Variants in MDM2 observed in about 807,000 individuals in gnomAD.
MDM2 encodes the protein E3 ubiquitin-protein ligase Mdm2.
Under a neutral mutation model 64.3 loss-of-function variants are expected in MDM2, and 11 were observed. The ratio of observed to expected loss-of-function variants is 0.17; its 90% CI spans 0.11 to 0.28. The LOEUF (loss-of-function observed/expected upper bound fraction) is 0.28. Ranked by LOEUF, MDM2 falls within the 10% of genes least tolerant of loss-of-function variation. MDM2 has a pLI of 1.00. For synonymous variants in MDM2, 194 were observed against 192.9 expected, an observed-to-expected ratio of 1.01 and a Z score of -0.05; for missense variants, 388 against 577.1, an observed-to-expected ratio of 0.67 and a Z score of 3.36.
At chr12:68,839,173 T>C (rs1883543179) in intron 10 of MDM2, 101 bp from the exon 11 acceptor site, 1 of 1,016,328 alleles carries the variant, frequency 9.8e-7, no homozygotes, top group Admixed American at 2.4e-5. Flanking sequence ...TATTGAGCCC[T>C]ATGATATACT....
chr12:68,838,045 T>TC (rs1883451001), intron 10 of MDM2, among the ~76,000 whole-genome samples: 1 of 152,226 alleles, frequency 6.6e-6, no homozygotes, highest in South Asian at 2.1e-4. Flanking sequence ...TTTTAGATAT[T>TC]CATCTTGGAA....
In MDM2 at chr12:68,808,446, G is replaced by A. The variant is rs1880552306; in HGVS notation, c.-32G>A. The A allele has an allele frequency of 6.2e-7, 1 of 1,614,024 alleles. No individual in the cohort carries two copies. Among genetic ancestry groups the A allele is most frequent in the South Asian group, 1.1e-5 (1 of 91,082 alleles). ...CGTGAAGGAAACTGGGGAGTCTTGAGGGACCCCCGACTCCAAGCGCGAAAA... is the reference window on the plus strand; with the variant it reads ...CGTGAAGGAAACTGGGGAGTCTTGAAGGACCCCCGACTCCAAGCGCGAAAA... On this transcript the variant is annotated 5_prime_UTR_variant, in exon 1 of 11. Transcript: ENST00000258149.
intron 5 of MDM2, among the ~76,000 whole-genome samples, chr12:68,821,208 C>T (rs3730546): frequency 0.02 from 2,992 of 151,912 alleles, 107 homozygotes; most frequent in African/African-American, 0.069. Flanking sequence ...CCACCACGCC[C>T]GGCTAATTTT....
At chr12:68,833,262 TA>T (rs1462946360) in intron 8 of MDM2, among the ~76,000 whole-genome samples, 1 of 116,070 alleles carries the variant, frequency 8.6e-6, no homozygotes, top group South Asian at 2.4e-4. Context: ...TATATTTATA[TA>T]ATTATATATT....
intron 3 of MDM2, among the ~76,000 whole-genome samples, chr12:68,815,965 ATTAT>A (rs1265206857): frequency 1.3e-5 from 2 of 152,148 alleles, no homozygotes; most frequent in African/African-American, 4.8e-5. Context: ...CATTATTTTG[ATTAT>A]TTATCATAAT....
At position 68,828,474 on chromosome 12, in the gene MDM2, T is replaced by C. The variant is rs1882518735; in HGVS notation, c.524-297T>C. The C allele has an allele frequency of 1.1e-5, 3 of 261,302 alleles. No individual in the cohort carries two copies. In the Admixed American group the frequency reaches 1.4e-4, roughly 12 times the overall value. The allele number at this position is 261,302 out of a possible 1,614,324, so 16.2% of individuals were successfully genotyped here. ...TACCAGCTACTCGGGAGGCTGAGGT[T>C]GAGGTGGGAGGATCACTTGAGCCCA... On this transcript the variant is annotated intron_variant, in intron 7 of 10. Transcript: ENST00000258149.
chr12:68,845,302 A>G lies in MDM2; in HGVS notation c.*5453A>G, dbSNP rs763260384. The G allele has an allele frequency of 2.3e-5, 5 of 213,600 alleles. No individual in the cohort carries two copies. The highest frequency in any genetic ancestry group is 4.7e-5 in the Non-Finnish European group (5 of 105,776). 13.2% of individuals were successfully genotyped at this position (213,600 alleles called of 1,614,324 possible). On this transcript the variant is annotated 3_prime_UTR_variant, in exon 11 of 11. Coordinates refer to ENST00000258149, the MANE Select transcript of MDM2 (RefSeq NM_002392.6). ...CAGCTTTCAATTATATGTAAGAGGG[A>G]CTTTTTGACATTTACAAATAATACT...
intron 7 of MDM2, among the ~76,000 whole-genome samples, chr12:68,825,604 G>T (rs1198520880): frequency 6.6e-6 from 1 of 152,094 alleles, no homozygotes; most frequent in Non-Finnish European, 1.5e-5. Flanking sequence ...AGTGAGCCGA[G>T]ATCACGCCAC....
intron 2 of MDM2, among the ~76,000 whole-genome samples, chr12:68,811,886 C>T (rs1400357886): frequency 6.6e-6 from 1 of 152,106 alleles, no homozygotes; most frequent in East Asian, 1.9e-4. Context: ...AGGCATGAGC[C>T]ACTGCGCCTG....
In MDM2 at chr12:68,814,055, TG is replaced by T. The variant is rs1201584024; in HGVS notation, c.174+428del. 7.3e-4 allele frequency among the ~76,000 whole-genome samples: 111 copies of T among 152,374 alleles called. 1 individual carries two copies. The highest frequency in any genetic ancestry group is 3.9e-4 in the East Asian group (2 of 5,188). On this transcript the variant is annotated intron_variant, in intron 3 of 10. Coordinates refer to ENST00000258149, the MANE Select transcript of MDM2 (RefSeq NM_002392.6). ...TTAGAAGAAGATATAATAAATATAA[TG>T]TTTTTTTGTTTTTTGAGACGAAGTC...
chr12:68,821,081 T>C (rs954401986), intron 5 of MDM2, among the ~76,000 whole-genome samples: 7 of 145,286 alleles, frequency 4.8e-5, no homozygotes, highest in African/African-American at 1.9e-4. Context: ...GGAATCTTGC[T>C]CTGTCACTCA....
At chr12:68,827,958 C>CCAT (rs1882475241) in intron 7 of MDM2, among the ~76,000 whole-genome samples, 1 of 152,136 alleles carries the variant, frequency 6.6e-6, no homozygotes, top group African/African-American at 2.4e-5. Flanking sequence ...TGGTGAAACC[C>CCAT]TGTCTCTACC....
intron 9 of MDM2, 100 bp downstream of exon 9, chr12:68,836,084 G>A (rs374582933): frequency 5.5e-6 from 6 of 1,085,478 alleles, no homozygotes; most frequent in African/African-American, 4.8e-5. Flanking sequence ...GATTTCACTT[G>A]AAATCTTTAC....
intron 5 of MDM2, among the ~76,000 whole-genome samples, chr12:68,822,746 C>CTTTTTTT (rs35863515): frequency 8.2e-5 from 12 of 146,434 alleles, no homozygotes; most frequent in African/African-American, 3.1e-4. Context: ...AACTTTGTCA[C>CTTTTTTT]TTTTTTTTTT....
intron 1 of MDM2, among the ~76,000 whole-genome samples, chr12:68,808,774 C>T (rs1159665564): frequency 1.4e-5 from 2 of 148,030 alleles, no homozygotes; most frequent in Admixed American, 1.3e-4. Context: ...GTAAAGGTCA[C>T]GGGGGCCGGG....
Position 68,843,338 on chromosome 12 carries a change from A to G in MDM2, c.*3489A>G, listed in dbSNP as rs2136188787. On this transcript the variant is annotated 3_prime_UTR_variant, in exon 11 of 11. Transcript: ENST00000258149. ...AGAGTAGGGTGACTATAGTTAATGT[A>G]TTGAATGTTCTTGCTACAAATAAAT... is the stretch of plus-strand genomic sequence containing the variant. 2 of 230,336 alleles carry G rather than the reference A, an allele frequency of 8.7e-6. No homozygotes were observed. Among genetic ancestry groups the G allele is most frequent in the Non-Finnish European group, 1.7e-5 (2 of 116,344 alleles). The allele number at this position is 230,336 out of a possible 1,614,324, so 14.3% of individuals were successfully genotyped here. A position where few individuals can be genotyped will look rare whatever the true frequency, so the allele number is the denominator to read the frequency against.
intron 8 of MDM2, among the ~76,000 whole-genome samples, chr12:68,830,179 G>A (rs893917485): frequency 2.6e-5 from 4 of 151,946 alleles, no homozygotes; most frequent in African/African-American, 9.7e-5. Context: ...ACATTTTTTG[G>A]TAATATGGCA....
At chr12:68,837,757 T>G (rs941133800) in intron 10 of MDM2, among the ~76,000 whole-genome samples, 3 of 152,236 alleles carry the variant, frequency 2.0e-5, no homozygotes, top group Non-Finnish European at 4.4e-5. Flanking sequence ...CATACTTCAC[T>G]GAGTTCCTGA....
At chr12:68,822,902 G>A (rs1032522385) in intron 5 of MDM2, among the ~76,000 whole-genome samples, 8 of 151,878 alleles carry the variant, frequency 5.3e-5, no homozygotes, top group East Asian at 1.9e-4. Flanking sequence ...CACCACGTCC[G>A]GTTAATTTTT....
Sources: gnomAD v4.1 joint callset for allele counts (sites outside exome capture counted in the v4.1 genomes callset) on GRCh38, gnomAD v4.1.1 for gene constraint, MANE v1.5 for transcripts, NCBI Gene and HGNC (gene_info 2026-07-23, HGNC 2026-07-21) for gene names.